TTBK1: variants seen among roughly 807,000 people sequenced by gnomAD.
TTBK1 encodes the protein tau tubulin kinase 1.
TTBK1 carries 34 observed loss-of-function variants against 108.5 expected under a neutral mutation model. The ratio of observed to expected loss-of-function variants is 0.31; its 90% CI spans 0.24 to 0.42. The LOEUF is 0.42. Ranked by LOEUF, TTBK1 falls within the 10% of genes least tolerant of loss-of-function variation. The pLI, the probability that TTBK1 is intolerant of heterozygous loss-of-function variation, is 1.00. For synonymous variants in TTBK1, 809 were observed against 795.1 expected, an observed-to-expected ratio of 1.02 and a Z score of -0.29; for missense variants, 1,539 against 1,826.0, an observed-to-expected ratio of 0.84 and a Z score of 2.86.
chr6:43,254,665 G>C lies in TTBK1; in HGVS notation c.576+14G>C. 6.5e-7 allele frequency: 1 copy of C among 1,546,404 alleles called. No homozygotes were observed. The highest frequency in any genetic ancestry group is 1.3e-5 in the South Asian group (1 of 78,588). ...GATGTGCGGCCCGTGAGTACCGTCG[G>C]GGCGGGGAGGACAGTGGAGGACTCC... On this transcript the variant is annotated intron_variant, in intron 6 of 14. Transcript: ENST00000259750.
intron 13 of TTBK1, among the ~76,000 whole-genome samples, chr6:43,281,625 C>T (rs1778165537): frequency 6.6e-6 from 1 of 152,098 alleles, no homozygotes; most frequent in Non-Finnish European, 1.5e-5. Context: ...CTTGGCAGGA[C>T]TCCTTGGCAG....
Position 43,263,479 on chromosome 6 carries a change from T to G in TTBK1, c.1986+129T>G. ...AGCAGTCACAGGGCTGTGATGGAGG[T>G]AGACAGGCTTAAGGGTCTGAAACCA... On this transcript the variant is annotated intron_variant, in intron 13 of 14. Coordinates refer to ENST00000259750, the MANE Select transcript of TTBK1 (RefSeq NM_032538.3). This position sits in a 1 kb window ranked among gnomAD's most constrained non-coding sequence, Gnocchi z 4.7. 1.1e-6 allele frequency: 1 copy of G among 924,816 alleles called. No individual in the cohort carries two copies. Among genetic ancestry groups the G allele is most frequent in the Non-Finnish European group, 1.5e-6 (1 of 663,632 alleles). 57.3% of individuals were successfully genotyped at this position (924,816 alleles called of 1,614,324 possible).
chr6:43,267,655 A>G (rs1286258315), intron 13 of TTBK1, among the ~76,000 whole-genome samples: 1 of 151,670 alleles, frequency 6.6e-6, no homozygotes, highest in Non-Finnish European at 1.5e-5. Flanking sequence ...TTCTTTTTTC[A>G]CACCTGGCTT....
At chr6:43,262,658 G>A (rs1315652119) in intron 12 of TTBK1, 131 bp from the exon 13 acceptor site, 3 of 806,858 alleles carry the variant, frequency 3.7e-6, no homozygotes, top group Non-Finnish European at 5.5e-6. Flanking sequence ...GAGGTAACTG[G>A]CCTGGCTCAG....
chr6:43,248,489 G>A (rs557164162), intron 2 of TTBK1, among the ~76,000 whole-genome samples: 16 of 152,344 alleles, frequency 1.1e-4, no homozygotes, highest in African/African-American at 3.8e-4. Context: ...TTGGGAGGTT[G>A]AGGTGGGAGG....
chr6:43,259,495 A>G lies in TTBK1; in HGVS notation c.1249-36A>G. 6.6e-7 allele frequency: 1 copy of G among 1,524,294 alleles called. No homozygotes were observed. Among genetic ancestry groups the G allele is most frequent in the South Asian group, 1.3e-5 (1 of 75,224 alleles). The allele number at this position is 1,524,294 out of a possible 1,614,324, so 94.4% of individuals were successfully genotyped here. On this transcript the variant is annotated intron_variant, in intron 11 of 14. Transcript: ENST00000259750. This position sits in a 1 kb window ranked among gnomAD's most constrained non-coding sequence, Gnocchi z 6.7. ...GAGACCATCCGCCCACAGCCGCCTC[A>G]TCAGCCCCAGCTCATGGCACTCCCC...
chr6:43,272,520 G>T, intron 13 of TTBK1: 1 of 985,448 alleles, frequency 1.0e-6, no homozygotes, highest in Non-Finnish European at 1.2e-6. Flanking sequence ...GTCCTTTAAA[G>T]CAAGGCCATG....
intron 13 of TTBK1, among the ~76,000 whole-genome samples, chr6:43,277,636 C>A (rs2651189): frequency 0.47 from 70,972 of 152,102 alleles, 18,874 homozygotes; most frequent in African/African-American, 0.74. Context: ...GCCACGTTCC[C>A]GGGTCATCTT....
intron 13 of TTBK1, among the ~76,000 whole-genome samples, chr6:43,280,514 T>C (rs537616437): frequency 7.1e-4 from 108 of 152,292 alleles, no homozygotes; most frequent in African/African-American, 2.3e-3. Flanking sequence ...TTTCCTGATA[T>C]AGAGAAAATA....
At position 43,259,610 on chromosome 6, in the gene TTBK1, C is replaced by G; in HGVS notation, c.1328C>G (p.Thr443Arg). 6.2e-7 allele frequency: 1 copy of G among 1,612,084 alleles called. No individual in the cohort carries two copies. The highest frequency in any genetic ancestry group is 8.5e-7 in the Non-Finnish European group (1 of 1,179,324). The change falls in exon 12 of 15, where the codon ACA becomes AGA. Residue 443 changes from threonine (T) to arginine (R), a missense_variant. This residue lies in a region of TTBK1 where 277 missense variants were observed against 332.4 expected (regional missense o/e 0.83). Transcript: ENST00000259750. The surrounding 1 kb of genome is among the most constrained non-coding windows in gnomAD (Gnocchi z 6.7). ...GTGCGTGCCCCCCCAGACTCCCCCACAACCCCAGTCCGTTCTCTGCGCTAC... is the reference window on the plus strand; with the variant it reads ...GTGCGTGCCCCCCCAGACTCCCCCAGAACCCCAGTCCGTTCTCTGCGCTAC... ...SPVRAPPDSP[T>R]TPVRSLRYRR...
chr6:43,266,498 C>T (rs1261481035), intron 13 of TTBK1, among the ~76,000 whole-genome samples: 1 of 152,164 alleles, frequency 6.6e-6, no homozygotes, highest in East Asian at 1.9e-4. Flanking sequence ...CTCAGAGAAG[C>T]AAAGTTTTTA....
In TTBK1 at chr6:43,268,967, ACCCTTTGAGGTGGGCACCATTATGACC is replaced by A. The variant is rs560633167; in HGVS notation, c.1986+5621_1986+5647del. On this transcript the variant is annotated intron_variant, in intron 13 of 14. Coordinates refer to ENST00000259750, the MANE Select transcript of TTBK1 (RefSeq NM_032538.3). ...CTTATAACATCGAATCCTCACGACCACCCTTTGAGGTGGGCACCATTATGACCCCCATTTTACAGAGGAGGAAGCTGA... is the reference window on the plus strand; with the variant it reads ...CTTATAACATCGAATCCTCACGACCACCCATTTTACAGAGGAGGAAGCTGA... Among the ~76,000 whole-genome samples the A allele has an allele frequency of 2.7e-3, 416 of 152,250 alleles. 3 individuals are homozygous for A. The highest frequency in any genetic ancestry group is 9.5e-3 in the African/African-American group (396 of 41,544).
Position 43,283,519 on chromosome 6 carries a change from G to C in TTBK1, c.2779G>C (p.Glu927Gln). 1 of 1,614,186 alleles carries C rather than the reference G, an allele frequency of 6.2e-7. No individual in the cohort carries two copies. The highest frequency in any genetic ancestry group is 8.5e-7 in the Non-Finnish European group (1 of 1,180,014). Residue 927 changes from glutamate (E) to glutamine (Q), a missense_variant, in exon 14 of 15, where the codon GAG (glutamate) becomes CAG (glutamine). By Grantham distance (29) the Glu-to-Gln change is conservative. Transcript: ENST00000259750. The surrounding 1 kb of genome is among the most constrained non-coding windows in gnomAD (Gnocchi z 8.1). ...AVTSSPFTKV[E>Q]RTFVHIAEKT... ...CACCTCCTCACCCTTCACCAAAGTTGAGAGGACCTTTGTGCACATTGCGGA... is the reference window on the plus strand; with the variant it reads ...CACCTCCTCACCCTTCACCAAAGTTCAGAGGACCTTTGTGCACATTGCGGA...
intron 7 of TTBK1, 91 bp from the exon 8 acceptor site, chr6:43,255,461 T>C: frequency 8.2e-7 from 1 of 1,218,200 alleles, no homozygotes. Flanking sequence ...GTGTCAGGCC[T>C]CCCTGACAGA....
intron 13 of TTBK1, among the ~76,000 whole-genome samples, chr6:43,281,682 T>C (rs890843984): frequency 1.3e-5 from 2 of 152,136 alleles, no homozygotes; most frequent in African/African-American, 4.8e-5. Flanking sequence ...CCGGGGCTTC[T>C]GGTCTGGATG....
chr6:43,260,185 C>T lies in TTBK1; in HGVS notation c.1424+479C>T, dbSNP rs141743966. On this transcript the variant is annotated intron_variant, in intron 12 of 14. Coordinates refer to ENST00000259750, the MANE Select transcript of TTBK1 (RefSeq NM_032538.3). ...GAAGTCACAGAGGGGAGGGGACCAG[C>T]GGGAACCTAGTTGGGGAAAAGGAGC... 1.1e-4 allele frequency among the ~76,000 whole-genome samples: 17 copies of T among 152,118 alleles called. No individual in the cohort carries two copies. The East Asian group carries it at 3.1e-3, about 28-fold the overall frequency.
At position 43,259,381 on chromosome 6, in the gene TTBK1, G is replaced by A. The variant is rs575813029; in HGVS notation, c.1248+112G>A. The A allele has an allele frequency of 1.6e-6, 2 of 1,255,632 alleles. No individual in the cohort carries two copies. The highest frequency in any genetic ancestry group is 2.2e-6 in the Non-Finnish European group (2 of 919,376). 77.8% of individuals were successfully genotyped at this position (1,255,632 alleles called of 1,614,324 possible). On this transcript the variant is annotated intron_variant, in intron 11 of 14. Transcript: ENST00000259750. The surrounding 1 kb of genome is among the most constrained non-coding windows in gnomAD (Gnocchi z 6.7). ...GCACCCTGTCCCCGGCCATCTGCCT[G>A]CTTGCCCTGCCTCTGTTTCCCGGTC...
chr6:43,271,556 C>T, intron 13 of TTBK1: 1 of 985,214 alleles, frequency 1.0e-6, no homozygotes, highest in Non-Finnish European at 1.2e-6. Context: ...TCTGCTTGGC[C>T]CATCAATTCC....
intron 9 of TTBK1, 147 bp downstream of exon 9, chr6:43,256,003 T>C: frequency 4.2e-6 from 4 of 961,244 alleles, no homozygotes; most frequent in East Asian, 2.5e-5. Flanking sequence ...TAAAGGCATG[T>C]ATGCTCTTGT....
Sources: gnomAD v4.1 joint callset for allele counts (sites outside exome capture counted in the v4.1 genomes callset) on GRCh38, gnomAD v4.1.1 for gene constraint, gnomAD v4.1.1 regional missense constraint, Gnocchi (gnomAD v3.1) non-coding constraint, MANE v1.5 for transcripts, NCBI Gene and HGNC (gene_info 2026-07-23, HGNC 2026-07-21) for gene names.